The following THSD7A variants were observed in gnomAD, a reference collection of about 807,000 sequenced individuals.
THSD7A encodes the protein thrombospondin type 1 domain containing 7A.
THSD7A carries 96 observed loss-of-function variants against 231.3 expected under a neutral mutation model. The observed-to-expected ratio is 0.41, with a 90% CI of 0.35 to 0.49. The LOEUF (loss-of-function observed/expected upper bound fraction) is 0.49, where lower values mean the gene tolerates loss of function less well. Ranked by LOEUF, THSD7A falls within the 20% of genes least tolerant of loss-of-function variation. THSD7A has a pLI of 0.05. For missense variants in THSD7A, 2,290 were observed against 2,070.2 expected (o/e 1.11, Z -2.06); for synonymous variants, 940 against 743.3 (o/e 1.26, Z -4.30).
chr7:11,809,569 T>C (rs1784477275), intron 1 of THSD7A, among the ~76,000 whole-genome samples: 1 of 152,180 alleles, frequency 6.6e-6, no homozygotes, highest in Admixed American at 6.5e-5. Flanking sequence ...CTTTGGAATG[T>C]ATGAAATTTT....
intron 4 of THSD7A, among the ~76,000 whole-genome samples, chr7:11,567,081 G>C (rs35419645): frequency 6.8e-4 from 103 of 151,490 alleles, no homozygotes; most frequent in Admixed American, 1.3e-3. Context: ...CTAAGTAAAA[G>C]CTAATAATCC....
At chr7:11,452,526 G>T (rs1785177473) in intron 11 of THSD7A, among the ~76,000 whole-genome samples, 2 of 151,970 alleles carry the variant, frequency 1.3e-5, no homozygotes, top group Admixed American at 6.6e-5. Flanking sequence ...TCTCACTGAT[G>T]CTTATAATAT....
At chr7:11,753,128 A>G (rs965743036) in intron 1 of THSD7A, among the ~76,000 whole-genome samples, 2 of 152,152 alleles carry the variant, frequency 1.3e-5, no homozygotes, top group African/African-American at 2.4e-5. Context: ...GTATAATTCA[A>G]AATATCTATT....
chr7:11,604,025 T>C (rs1780650308), intron 2 of THSD7A, among the ~76,000 whole-genome samples: 1 of 146,752 alleles, frequency 6.8e-6, no homozygotes, highest in Admixed American at 6.8e-5. Context: ...ACTTAAAGTA[T>C]AATAAAAAAA....
intron 9 of THSD7A, among the ~76,000 whole-genome samples, chr7:11,468,303 C>T (rs768675602): frequency 1.4e-4 from 21 of 151,462 alleles, no homozygotes; most frequent in Non-Finnish European, 2.1e-4. Flanking sequence ...CCAACAATTA[C>T]CACCTATAAG....
chr7:11,421,268 C>T (rs1348876858), intron 16 of THSD7A, among the ~76,000 whole-genome samples: 1 of 152,108 alleles, frequency 6.6e-6, no homozygotes, highest in African/African-American at 2.4e-5. Context: ...GGCAGATTTT[C>T]CCCTTGCTGT....
At chr7:11,415,319 C>A (rs184896364) in intron 17 of THSD7A, among the ~76,000 whole-genome samples, 1 of 152,170 alleles carries the variant, frequency 6.6e-6, no homozygotes, top group Admixed American at 6.5e-5. Flanking sequence ...TAAACGGCCT[C>A]GGGCATCATG....
intron 16 of THSD7A, among the ~76,000 whole-genome samples, chr7:11,420,292 G>A (rs562562613): frequency 6.6e-6 from 1 of 152,310 alleles, no homozygotes; most frequent in South Asian, 2.1e-4. Context: ...TTGGTTTTGT[G>A]GGCCAGGCTC....
intron 23 of THSD7A, among the ~76,000 whole-genome samples, chr7:11,400,733 G>T (rs988960951): frequency 6.6e-6 from 1 of 152,108 alleles, no homozygotes; most frequent in African/African-American, 2.4e-5. Context: ...TAGCCCATTT[G>T]GTTTTTACTG....
At chr7:11,547,480 T>G (rs1789449470) in intron 4 of THSD7A, among the ~76,000 whole-genome samples, 2 of 152,068 alleles carry the variant, frequency 1.3e-5, no homozygotes, top group Admixed American at 6.6e-5. Context: ...GACCTAAACT[T>G]CACGCTTGAT....
chr7:11,631,728 T>C (rs922194225), intron 2 of THSD7A, among the ~76,000 whole-genome samples: 5 of 152,184 alleles, frequency 3.3e-5, no homozygotes, highest in African/African-American at 1.2e-4. Context: ...TTTGGGGATT[T>C]GGCTATTACC....
chr7:11,452,875 G>T (rs887917644), intron 11 of THSD7A, among the ~76,000 whole-genome samples: 5 of 151,800 alleles, frequency 3.3e-5, no homozygotes, highest in South Asian at 4.2e-4. Flanking sequence ...TTTAAATAAT[G>T]GTATATATAA....
At chr7:11,499,746 A>G (rs1425007656) in intron 6 of THSD7A, among the ~76,000 whole-genome samples, 1 of 152,230 alleles carries the variant, frequency 6.6e-6, no homozygotes, top group African/African-American at 2.4e-5. Context: ...TCTGTGAAAT[A>G]AGACAGTCAG....
intron 1 of THSD7A, among the ~76,000 whole-genome samples, chr7:11,795,314 A>G (rs1784090064): frequency 6.6e-6 from 1 of 152,112 alleles, no homozygotes; most frequent in South Asian, 2.1e-4. Context: ...ATATTAAAAT[A>G]TAAAGAGTTA....
intron 16 of THSD7A, among the ~76,000 whole-genome samples, chr7:11,419,795 T>G (rs1228080643): frequency 6.6e-6 from 1 of 152,206 alleles, no homozygotes; most frequent in Non-Finnish European, 1.5e-5. Flanking sequence ...AAATCCAGGC[T>G]GAGGTGTTCT....
At chr7:11,473,688 C>T (rs553587462) in intron 8 of THSD7A, among the ~76,000 whole-genome samples, 6 of 152,142 alleles carry the variant, frequency 3.9e-5, no homozygotes, top group Admixed American at 2.0e-4. Context: ...TATAATATGT[C>T]GACTCTCTGG....
intron 6 of THSD7A, among the ~76,000 whole-genome samples, chr7:11,492,268 A>T (rs1024584260): frequency 2.6e-5 from 4 of 151,904 alleles, no homozygotes; most frequent in African/African-American, 9.7e-5. Flanking sequence ...TCAATTTGTA[A>T]ATTTTCTTGC....
chr7:11,383,405 T>C (rs185903579), intron 23 of THSD7A, among the ~76,000 whole-genome samples: 80 of 152,174 alleles, frequency 5.3e-4, no homozygotes, highest in African/African-American at 1.8e-3. Context: ...CAAACAATGC[T>C]CTGAAGGTCA....
Position 11,634,755 on chromosome 7 carries a change from T to C in THSD7A, c.1022+1375A>G, listed in dbSNP as rs909598534. ...CTGAAATAAAATGCAATCGTGTCAATACAAAGAGGGGAGAGAGTAGCAAAA... is the reference window on the plus strand; with the variant it reads ...CTGAAATAAAATGCAATCGTGTCAACACAAAGAGGGGAGAGAGTAGCAAAA... On this transcript the variant is annotated intron_variant, in intron 2 of 27. Coordinates refer to ENST00000423059, the MANE Select transcript of THSD7A (RefSeq NM_015204.3). This position sits in a 1 kb window ranked among gnomAD's most constrained non-coding sequence, Gnocchi z 4.1. Among the ~76,000 whole-genome samples the C allele has an allele frequency of 1.3e-5, 2 of 151,914 alleles. No homozygotes were observed. The highest frequency in any genetic ancestry group is 4.8e-5 in the African/African-American group (2 of 41,376).
Sources: allele counts gnomAD v4.1 joint callset (sites outside exome capture counted in the v4.1 genomes callset), GRCh38; gene constraint gnomAD v4.1.1; non-coding constraint Gnocchi (gnomAD v3.1); transcripts MANE v1.5; gene names NCBI Gene and HGNC (gene_info 2026-07-23, HGNC 2026-07-21).